LINGO2: variants seen among roughly 807,000 people sequenced by gnomAD.
LINGO2 encodes the protein leucine-rich repeat and immunoglobulin-like domain-containing nogo receptor-interacting protein 2.
In LINGO2, 14 loss-of-function variants were observed where a neutral mutation model predicts 30.6. The ratio of observed to expected loss-of-function variants is 0.46; its 90% CI spans 0.30 to 0.72. The LOEUF is 0.72. LINGO2 is among the 30% of genes least tolerant of loss of function. LINGO2 has a pLI of 0.07. For missense variants in LINGO2, 729 were observed against 751.7 expected (o/e 0.97, Z 0.35); for synonymous variants, 317 against 288.5 (o/e 1.10, Z -1.00).
chr9:29,079,136 T>C, the LINGO2 span, among the ~76,000 whole-genome samples: 2 of 135,038 alleles, frequency 1.5e-5, no homozygotes, highest in Admixed American at 1.5e-4. Context: ...GGACTATCTA[T>C]GTTGACATGA....
chr9:28,639,327 C>T (rs915577104), intron 1 of LINGO2, among the ~76,000 whole-genome samples: 1 of 152,080 alleles, frequency 6.6e-6, no homozygotes, highest in Non-Finnish European at 1.5e-5. Flanking sequence ...CTGTAGATGT[C>T]TATTAGGTGC....
chr9:28,593,810 G>A (rs1315172791), intron 1 of LINGO2, among the ~76,000 whole-genome samples: 1 of 151,900 alleles, frequency 6.6e-6, no homozygotes, highest in African/African-American at 2.4e-5. Flanking sequence ...TCCCAACATT[G>A]ACATATTTAA....
At chr9:28,009,422 A>C (rs1822441009) in intron 5 of LINGO2, among the ~76,000 whole-genome samples, 1 of 152,004 alleles carries the variant, frequency 6.6e-6, no homozygotes, top group African/African-American at 2.4e-5. Flanking sequence ...ACCATTAAGA[A>C]AATGAATAGA....
intron 1 of LINGO2, among the ~76,000 whole-genome samples, chr9:28,601,531 GTCAC>G (rs1453129038): frequency 1.3e-5 from 2 of 151,950 alleles, no homozygotes; most frequent in Admixed American, 6.6e-5. Flanking sequence ...TAATCAGAGT[GTCAC>G]TCAATCAGAG....
rs142109423 is a variant in LINGO2 at position 28,373,255 on chromosome 9, A to G, written c.-278-387T>C. On this transcript the variant is annotated intron_variant, in intron 2 of 5. Coordinates refer to ENST00000379992, the Ensembl canonical transcript of LINGO2. ...GATAAGATTTTTGATAAATTCAGGC[A>G]AGATTATTTTAAGGTGCTATTACAA... Among the ~76,000 whole-genome samples, 837 of 152,292 alleles carry G rather than the reference A, an allele frequency of 5.5e-3. 4 individuals carry two copies. Among genetic ancestry groups the G allele is most frequent in the East Asian group, 0.012 (64 of 5,172 alleles).
chr9:28,773,230 T>C, the LINGO2 span, among the ~76,000 whole-genome samples: 1 of 151,748 alleles, frequency 6.6e-6, no homozygotes, highest in African/African-American at 2.4e-5. Flanking sequence ...CCGGGTGTAG[T>C]GGCGGGCGCC....
At chr9:28,296,250 C>T (rs373402033) in intron 3 of LINGO2, among the ~76,000 whole-genome samples, 14 of 152,252 alleles carry the variant, frequency 9.2e-5, no homozygotes, top group South Asian at 4.1e-4. Flanking sequence ...CTTCAATAGA[C>T]GATCAGGATG....
the LINGO2 span, among the ~76,000 whole-genome samples, chr9:28,689,267 A>T: frequency 6.6e-6 from 1 of 152,120 alleles, no homozygotes; most frequent in Non-Finnish European, 1.5e-5. Context: ...GCCAACAAGA[A>T]ATCAGGACCT....
chr9:28,360,590 C>T (rs917744985), intron 3 of LINGO2, among the ~76,000 whole-genome samples: 2 of 152,200 alleles, frequency 1.3e-5, no homozygotes, highest in South Asian at 4.1e-4. Context: ...ACTGAAGAGA[C>T]ACATATTCTC....
At chr9:28,088,714 T>C (rs1825986055) in intron 4 of LINGO2, among the ~76,000 whole-genome samples, 1 of 152,060 alleles carries the variant, frequency 6.6e-6, no homozygotes, top group Non-Finnish European at 1.5e-5. Flanking sequence ...CACATAACAA[T>C]ATTAACCTTA....
At chr9:29,059,878 C>T in the LINGO2 span, among the ~76,000 whole-genome samples, 1 of 151,990 alleles carries the variant, frequency 6.6e-6, no homozygotes, top group Non-Finnish European at 1.5e-5. Flanking sequence ...AAATTAAAAA[C>T]TTCTGTTATT....
the LINGO2 span, among the ~76,000 whole-genome samples, chr9:28,799,234 G>A: frequency 6.6e-6 from 1 of 151,944 alleles, no homozygotes; most frequent in Admixed American, 6.6e-5. Flanking sequence ...AAGAAATTAG[G>A]AGGAATGACC....
At chr9:29,057,936 T>C in the LINGO2 span, among the ~76,000 whole-genome samples, 1,289 of 152,182 alleles carry the variant, frequency 8.5e-3, 18 homozygotes, top group African/African-American at 0.03. Flanking sequence ...ACGACAAGGC[T>C]TGAAAGGATC....
intron 5 of LINGO2, among the ~76,000 whole-genome samples, chr9:28,010,366 C>G (rs10968275): frequency 0.016 from 2,399 of 152,228 alleles, 54 homozygotes; most frequent in South Asian, 0.065. Context: ...AGTTTGTAAC[C>G]TAGACACCTG....
chr9:28,252,506 G>GGAAC (rs1379555988), intron 4 of LINGO2, among the ~76,000 whole-genome samples: 3 of 151,966 alleles, frequency 2.0e-5, no homozygotes, highest in African/African-American at 7.2e-5. Context: ...ATTACAGGTA[G>GGAAC]GAACCATGGT....
the LINGO2 span, among the ~76,000 whole-genome samples, chr9:29,179,708 G>A: frequency 2.0e-5 from 3 of 152,104 alleles, no homozygotes; most frequent in Admixed American, 2.0e-4. Flanking sequence ...CCTGGCCCAT[G>A]AGCACTTATT....
chr9:28,980,180 G>A, the LINGO2 span, among the ~76,000 whole-genome samples: 1 of 151,784 alleles, frequency 6.6e-6, no homozygotes. Flanking sequence ...CAAACCACAT[G>A]ACTCTACCTT....
chr9:28,125,665 A>T (rs190924715), intron 4 of LINGO2, among the ~76,000 whole-genome samples: 2 of 152,304 alleles, frequency 1.3e-5, no homozygotes, highest in African/African-American at 4.8e-5. Flanking sequence ...TAGATTTCCA[A>T]GACCAGAACT....
the LINGO2 span, among the ~76,000 whole-genome samples, chr9:29,071,482 CAT>C: frequency 0.01 from 1,250 of 120,784 alleles, 21 homozygotes; most frequent in African/African-American, 0.032. Flanking sequence ...ATTAACTGGT[CAT>C]ATATATATAT....
Sources: allele counts gnomAD v4.1 joint callset (sites outside exome capture counted in the v4.1 genomes callset), GRCh38; gene constraint gnomAD v4.1.1; transcripts MANE v1.5; gene names NCBI Gene and HGNC (gene_info 2026-07-23, HGNC 2026-07-21).